ZNF423: variants seen among roughly 807,000 people sequenced by gnomAD.
The protein encoded by ZNF423 is zinc finger protein 423.
ZNF423 carries 12 observed loss-of-function variants against 95.8 expected under a neutral mutation model. The ratio of observed to expected loss-of-function variants is 0.13; its 90% CI spans 0.08 to 0.20. ZNF423 has a LOEUF of 0.20. Ranked by LOEUF, ZNF423 falls within the 10% of genes least tolerant of loss-of-function variation. ZNF423 has a pLI of 1.00. For missense variants in ZNF423, 1,316 were observed against 1,737.1 expected (o/e 0.76, Z 4.31); for synonymous variants, 749 against 711.9 (o/e 1.05, Z -0.83).
At chr16:49,491,404 G>A in intron 7 of ZNF423, 100 bp from the exon 8 acceptor site, 1 of 1,451,926 alleles carries the variant, frequency 6.9e-7, no homozygotes, top group Non-Finnish European at 9.6e-7. Context: ...GCAGAAAAGC[G>A]TCTCGATTAT....
intron 1 of ZNF423, among the ~76,000 whole-genome samples, chr16:49,848,853 C>T (rs1013909891): frequency 2.0e-4 from 30 of 152,152 alleles, no homozygotes; most frequent in African/African-American, 7.2e-4. Flanking sequence ...CAGCACCTCG[C>T]ACCGCAGTGT....
chr16:49,800,321 T>C (rs533914174), intron 1 of ZNF423, among the ~76,000 whole-genome samples: 1 of 152,088 alleles, frequency 6.6e-6, no homozygotes, highest in East Asian at 1.9e-4. Flanking sequence ...ACTCCTGGCC[T>C]CACATGATCC....
At chr16:49,839,721 T>G (rs565060090) in intron 1 of ZNF423, among the ~76,000 whole-genome samples, 1 of 152,220 alleles carries the variant, frequency 6.6e-6, no homozygotes, top group Non-Finnish European at 1.5e-5. Context: ...TGGCTGAAGC[T>G]GCAGCCTGCA....
chr16:49,769,199 T>C (rs1051796047), intron 2 of ZNF423, among the ~76,000 whole-genome samples: 4 of 151,462 alleles, frequency 2.6e-5, no homozygotes, highest in Non-Finnish European at 5.9e-5. Context: ...CTACTAAAAA[T>C]AAAAAATTAG....
intron 3 of ZNF423, among the ~76,000 whole-genome samples, chr16:49,701,147 T>G (rs1169220220): frequency 2.6e-5 from 4 of 152,236 alleles, no homozygotes. Context: ...TTAACATGTT[T>G]AAGTCTTGTA....
At chr16:49,698,460 C>G (rs2032055696) in intron 3 of ZNF423, among the ~76,000 whole-genome samples, 1 of 152,236 alleles carries the variant, frequency 6.6e-6, no homozygotes, top group African/African-American at 2.4e-5. Context: ...AACCATCCCC[C>G]GATCCGGCCG....
intron 5 of ZNF423, among the ~76,000 whole-genome samples, chr16:49,537,506 T>C (rs1236730116): frequency 1.3e-5 from 2 of 152,170 alleles, no homozygotes; most frequent in Non-Finnish European, 2.9e-5. Flanking sequence ...AATAAATGAA[T>C]ACATTCAAAT....
intron 3 of ZNF423, among the ~76,000 whole-genome samples, chr16:49,716,672 T>C (rs2032716718): frequency 6.6e-6 from 1 of 152,192 alleles, no homozygotes; most frequent in Admixed American, 6.5e-5. Flanking sequence ...ATTTCCTTGC[T>C]CTTTTCCTGT....
chr16:49,851,998 T>C (rs924014954), intron 1 of ZNF423, among the ~76,000 whole-genome samples: 4 of 152,218 alleles, frequency 2.6e-5, no homozygotes, highest in Non-Finnish European at 5.9e-5. Context: ...CATGTACATT[T>C]AGCCAAACAA....
At chr16:49,538,103 A>G (rs1435551971) in intron 5 of ZNF423, among the ~76,000 whole-genome samples, 2 of 152,232 alleles carry the variant, frequency 1.3e-5, no homozygotes, top group African/African-American at 2.4e-5. Context: ...GCTTACTGAC[A>G]GCTCCTGACA....
At chr16:49,558,901 G>A (rs1416912038) in intron 5 of ZNF423, among the ~76,000 whole-genome samples, 2 of 152,204 alleles carry the variant, frequency 1.3e-5, no homozygotes, top group African/African-American at 4.8e-5. Context: ...TTTTGGGGGG[G>A]TCCCACCTGG....
intron 1 of ZNF423, among the ~76,000 whole-genome samples, chr16:49,845,535 T>A (rs1176958563): frequency 6.6e-6 from 1 of 151,586 alleles, no homozygotes; most frequent in Non-Finnish European, 1.5e-5. Flanking sequence ...TTTTGTTTTG[T>A]TTTGTTTTGG....
At chr16:49,619,282 T>C (rs1381413734) in intron 5 of ZNF423, among the ~76,000 whole-genome samples, 1 of 152,134 alleles carries the variant, frequency 6.6e-6, no homozygotes, top group Non-Finnish European at 1.5e-5. Context: ...CCACCGAGGA[T>C]TTTAATAGTG....
At chr16:49,834,620 G>A (rs765696870) in intron 1 of ZNF423, among the ~76,000 whole-genome samples, 21 of 152,176 alleles carry the variant, frequency 1.4e-4, no homozygotes, top group Non-Finnish European at 2.9e-4. Context: ...GGGGGAAACC[G>A]GAGCCTGGTC....
rs375452853 is a variant in ZNF423 at position 49,824,071 on chromosome 16, C to T, written c.40+31664G>A. On this transcript the variant is annotated intron_variant, in intron 1 of 7. Coordinates refer to ENST00000563137, the MANE Select transcript of ZNF423 (RefSeq NM_001379286.1). Reference sequence around the variant, plus strand: ...TCCAGCCTCGATGACAGAGTGATAACATCTCAAAAAAAATTTTTTTTTAAT... The same window carrying T: ...TCCAGCCTCGATGACAGAGTGATAATATCTCAAAAAAAATTTTTTTTTAAT... Among the ~76,000 whole-genome samples, 17 of 152,236 alleles carry T rather than the reference C, an allele frequency of 1.1e-4. No homozygotes were observed. The South Asian group carries it at 2.9e-3, about 26-fold the overall frequency.
intron 2 of ZNF423, among the ~76,000 whole-genome samples, chr16:49,774,974 T>A (rs1190457227): frequency 6.6e-6 from 1 of 152,104 alleles, no homozygotes; most frequent in Non-Finnish European, 1.5e-5. Context: ...AGAAACCCAT[T>A]CAATTGCACT....
chr16:49,858,518 G>C (rs1351634705), upstream of ZNF423, among the ~76,000 whole-genome samples: 1 of 152,106 alleles, frequency 6.6e-6, no homozygotes, highest in African/African-American at 2.4e-5. This position sits in a 1 kb window ranked among gnomAD's most constrained non-coding sequence, Gnocchi z 4.3. Flanking sequence ...GCGACGCCTA[G>C]CTGGACACCC....
At chr16:49,537,628 C>T (rs991462781) in intron 5 of ZNF423, among the ~76,000 whole-genome samples, 18 of 152,102 alleles carry the variant, frequency 1.2e-4, no homozygotes, top group African/African-American at 3.1e-4. Flanking sequence ...CCCAAGATAG[C>T]GAGGCTTATG....
chr16:49,749,032 C>A (rs568905486), intron 2 of ZNF423, among the ~76,000 whole-genome samples: 4 of 152,170 alleles, frequency 2.6e-5, no homozygotes, highest in Admixed American at 1.3e-4. Flanking sequence ...CCAGGGGCTA[C>A]GGTCCCATCT....
Sources: allele counts gnomAD v4.1 joint callset (sites outside exome capture counted in the v4.1 genomes callset), GRCh38; gene constraint gnomAD v4.1.1; non-coding constraint Gnocchi (gnomAD v3.1); transcripts MANE v1.5; gene names NCBI Gene and HGNC (gene_info 2026-07-23, HGNC 2026-07-21).